R3HDM1: variants seen among roughly 807,000 people sequenced by gnomAD.
The protein encoded by R3HDM1 is R3H domain containing 1, also known as R3H domain-containing protein 1.
R3HDM1 carries 46 observed loss-of-function variants against 141.1 expected under a neutral mutation model. The observed-to-expected ratio is 0.33, with a 90% confidence interval of 0.26 to 0.42. R3HDM1 has a LOEUF of 0.42. Ranked by LOEUF, R3HDM1 falls within the 10% of genes least tolerant of loss-of-function variation. R3HDM1 has a pLI of 1.00. For synonymous variants in R3HDM1, 435 were observed against 472.9 expected, an observed-to-expected ratio of 0.92 and a Z score of 1.04; for missense variants, 1,184 against 1,368.3, an observed-to-expected ratio of 0.87 and a Z score of 2.12.
chr2:135,578,991 A>G (rs1706152576), intron 1 of R3HDM1, among the ~76,000 whole-genome samples: 1 of 152,206 alleles, frequency 6.6e-6, no homozygotes, highest in Non-Finnish European at 1.5e-5. Flanking sequence ...AGATGTGTGA[A>G]TATGTGTATA....
At chr2:135,659,933 C>A (rs1405295059) in intron 18 of R3HDM1, among the ~76,000 whole-genome samples, 1 of 152,158 alleles carries the variant, frequency 6.6e-6, no homozygotes, top group Non-Finnish European at 1.5e-5. Flanking sequence ...AATTTTTCAA[C>A]TCCTTTATAA....
At chr2:135,605,502 G>A (rs925054469) in intron 3 of R3HDM1, 2 of 152,320 alleles carry the variant, frequency 1.3e-5, no homozygotes, top group African/African-American at 4.8e-5. Context: ...ATGACTTAGA[G>A]CTAGCCACTG....
At chr2:135,703,853 A>G (rs1174046020) in intron 21 of R3HDM1, among the ~76,000 whole-genome samples, 1 of 152,164 alleles carries the variant, frequency 6.6e-6, no homozygotes, top group Non-Finnish European at 1.5e-5. Flanking sequence ...CCCTCACCAC[A>G]AAAAATATAT....
At chr2:135,557,092 C>CT (rs1203113784) in intron 1 of R3HDM1, among the ~76,000 whole-genome samples, 1 of 151,974 alleles carries the variant, frequency 6.6e-6, no homozygotes, top group Non-Finnish European at 1.5e-5. Context: ...ATCTTACTGC[C>CT]TTTTTTCTTT....
intron 21 of R3HDM1, among the ~76,000 whole-genome samples, chr2:135,685,880 C>T (rs576053027): frequency 6.6e-6 from 1 of 152,202 alleles, no homozygotes; most frequent in East Asian, 1.9e-4. Flanking sequence ...ACAGAAATAC[C>T]TTCCAGGACT....
intron 1 of R3HDM1, among the ~76,000 whole-genome samples, chr2:135,589,422 G>A (rs1217912502): frequency 2.6e-5 from 4 of 152,058 alleles, no homozygotes; most frequent in African/African-American, 9.7e-5. Flanking sequence ...ATCCCCCTCT[G>A]GTTGTAGGGG....
In R3HDM1 at chr2:135,554,314, T is replaced by C. The variant is rs531813055; in HGVS notation, c.-250+22681T>C. ...GATGCTTTATTTAGCATAATGTTTT[T>C]GGGGTTCATCCATGTTGTAGCATGA... On this transcript the variant is annotated intron_variant, in intron 1 of 26. Transcript: ENST00000683871. 3.3e-5 allele frequency among the ~76,000 whole-genome samples: 5 copies of C among 152,370 alleles called. No homozygotes were observed. In the South Asian group the frequency reaches 1.0e-3, roughly 32 times the overall value.
intron 21 of R3HDM1, among the ~76,000 whole-genome samples, chr2:135,682,584 T>C (rs576712530): frequency 2.0e-3 from 305 of 152,334 alleles, no homozygotes; most frequent in Non-Finnish European, 3.2e-3. Context: ...TCCCTGGGCA[T>C]GCTTCACAAA....
chr2:135,720,282 AG>A (rs2076580170), intron 24 of R3HDM1, among the ~76,000 whole-genome samples: 1 of 152,234 alleles, frequency 6.6e-6, no homozygotes, highest in Non-Finnish European at 1.5e-5. Context: ...GGAGCTGCCC[AG>A]GCATCTTCAC....
intron 21 of R3HDM1, among the ~76,000 whole-genome samples, chr2:135,702,045 C>G (rs916290874): frequency 6.6e-6 from 1 of 151,904 alleles, no homozygotes; most frequent in African/African-American, 2.4e-5. Flanking sequence ...TTTTCATCAC[C>G]CTCAGAAAGA....
chr2:135,651,504 C>T, intron 17 of R3HDM1: 5 of 954,932 alleles, frequency 5.2e-6, no homozygotes, highest in Non-Finnish European at 6.2e-6. Context: ...GCATGCTGTG[C>T]ATTCCCACTA....
intron 1 of R3HDM1, among the ~76,000 whole-genome samples, chr2:135,578,160 A>C (rs1033056452): frequency 1.3e-5 from 2 of 152,230 alleles, no homozygotes; most frequent in Admixed American, 1.3e-4. Flanking sequence ...ATGATGGTAC[A>C]GCCACACAAT....
chr2:135,687,793 AAGAAAAGTT>A, intron 21 of R3HDM1, among the ~76,000 whole-genome samples: 1 of 152,266 alleles, frequency 6.6e-6, no homozygotes, highest in South Asian at 2.1e-4. Context: ...TTTTGGGTTT[AAGAAAAGTT>A]ATCTTTTTGT....
chr2:135,660,635 C>T (rs778269668), intron 18 of R3HDM1, among the ~76,000 whole-genome samples: 2 of 152,054 alleles, frequency 1.3e-5, no homozygotes. Flanking sequence ...CAGTTGAGGT[C>T]AGGAGTTTGA....
chr2:135,649,941 T>A lies in R3HDM1; in HGVS notation c.1663T>A (p.Tyr555Asn). 4 of 1,297,256 alleles carry A rather than the reference T, an allele frequency of 3.1e-6. No individual in the cohort carries two copies. The highest frequency in any genetic ancestry group is 4.1e-6 in the Non-Finnish European group (4 of 985,474). 80.4% of individuals were successfully genotyped at this position (1,297,256 alleles called of 1,614,324 possible). ...GCAGTCCTCTTCACAGCCTGTTCAGTACTCTACAGCCCCTTACCCATCCCC... is the reference window on the plus strand; with the variant it reads ...GCAGTCCTCTTCACAGCCTGTTCAGAACTCTACAGCCCCTTACCCATCCCC... ...PLQSSSQPVQ[Y>N]STAPYPSPFL... The change falls in exon 17 of 27, where the codon TAC becomes AAC. Residue 555 changes from tyrosine (Y) to asparagine (N), a missense_variant. Transcript: ENST00000683871.
In R3HDM1 at chr2:135,622,019, G is replaced by C. The variant is rs958228334; in HGVS notation, c.418+411G>C. On this transcript the variant is annotated intron_variant, in intron 6 of 26. Transcript: ENST00000683871. ...AGTGTTTATTTTTTATAAGTTTGGA[G>C]GGTCTTCACTATTACCTAGCATTGC... 4.1e-6 allele frequency: 4 copies of C among 984,230 alleles called. No homozygotes were observed. The African/African-American group carries it at 7.0e-5, about 17-fold the overall frequency. The allele number at this position is 984,230 out of a possible 1,614,324, so 61.0% of individuals were successfully genotyped here.
chr2:135,536,236 C>T (rs1696082986), intron 1 of R3HDM1, among the ~76,000 whole-genome samples: 1 of 152,146 alleles, frequency 6.6e-6, no homozygotes, highest in Non-Finnish European at 1.5e-5. Flanking sequence ...AACTCTGAGG[C>T]TCAAGGGAGC....
At chr2:135,588,634 G>A (rs1219904572) in intron 1 of R3HDM1, among the ~76,000 whole-genome samples, 1 of 152,016 alleles carries the variant, frequency 6.6e-6, no homozygotes, top group East Asian at 1.9e-4. Flanking sequence ...TAAGTGGATT[G>A]AAGTCATTAT....
chr2:135,579,522 A>G (rs1454514041), intron 1 of R3HDM1, among the ~76,000 whole-genome samples: 1 of 150,874 alleles, frequency 6.6e-6, no homozygotes, highest in Non-Finnish European at 1.5e-5. Flanking sequence ...GAAAAGCAGG[A>G]TATTTTCAAG....
Sources: allele counts gnomAD v4.1 joint callset (sites outside exome capture counted in the v4.1 genomes callset), GRCh38; gene constraint gnomAD v4.1.1; transcripts MANE v1.5; gene names NCBI Gene and HGNC (gene_info 2026-07-23, HGNC 2026-07-21).